The following NEK10 variants were observed in gnomAD, a reference collection of about 807,000 sequenced individuals.
NEK10 encodes the protein serine/threonine-protein kinase Nek10.
NEK10 carries 122 observed loss-of-function variants against 159.8 expected under a neutral mutation model. That is an observed-to-expected ratio of 0.76 (90% CI 0.66 to 0.89). NEK10 has a LOEUF of 0.89. Ranked by LOEUF, NEK10 falls within the 40% of genes least tolerant of loss-of-function variation. NEK10 has a pLI of 0.00. For missense variants in NEK10, 1,342 were observed against 1,323.1 expected (o/e 1.01, Z -0.22); for synonymous variants, 466 against 457.1 (o/e 1.02, Z -0.25).
intron 22 of NEK10, among the ~76,000 whole-genome samples, chr3:27,280,975 T>C (rs1209476566): frequency 6.6e-6 from 1 of 151,078 alleles, no homozygotes; most frequent in Admixed American, 6.6e-5. Flanking sequence ...CTTCAGAAGA[T>C]GCAGAAACAA....
chr3:27,309,062 CAACATT>C, intron 9 of NEK10, 57 bp from the exon 10 acceptor site: 2 of 781,534 alleles, frequency 2.6e-6, no homozygotes, highest in Non-Finnish European at 4.2e-6. Context: ...CTTCTTTTTT[CAACATT>C]AACATTAATT....
Position 27,352,484 on chromosome 3 carries a change from A to C in NEK10, c.113T>G (p.Val38Gly). The change falls in exon 3 of 36, where the codon GTC becomes GGC. Residue 38 changes from valine to glycine, a missense_variant. Physicochemically the swap from Val to Gly is moderately radical, Grantham distance 109. Coordinates refer to ENST00000691995, the MANE Select transcript of NEK10 (RefSeq NM_001394966.1). ...DLKRLRCLLN[V>G]QSSKQQLPAI... The stretch of plus-strand genomic sequence containing the variant: ...CGCTACCTGTTGTTTGCTTGATTGG[A>C]CGTTCAAAAGGCACCGAAGTCTTTT... The C allele has an allele frequency of 6.2e-7, 1 of 1,611,344 alleles. No homozygotes were observed. The highest frequency in any genetic ancestry group is 8.5e-7 in the Non-Finnish European group (1 of 1,177,640).
intron 23 of NEK10, among the ~76,000 whole-genome samples, chr3:27,224,826 A>C (rs1469623208): frequency 6.6e-6 from 1 of 152,182 alleles, no homozygotes; most frequent in Non-Finnish European, 1.5e-5. Context: ...GGCTCTTCTC[A>C]TAGGACCACC....
At chr3:27,187,225 C>A (rs982406877) in intron 26 of NEK10, among the ~76,000 whole-genome samples, 4 of 152,118 alleles carry the variant, frequency 2.6e-5, no homozygotes, top group Non-Finnish European at 4.4e-5. Flanking sequence ...AGCCCCTGCC[C>A]CTCTCTCATC....
At chr3:27,297,370 C>A in intron 13 of NEK10, 130 bp from the exon 14 acceptor site, 1 of 604,728 alleles carries the variant, frequency 1.7e-6, no homozygotes, top group Admixed American at 2.7e-5. Context: ...TCTCAAGAAA[C>A]ACTAATTTTC....
intron 22 of NEK10, among the ~76,000 whole-genome samples, chr3:27,265,045 C>T (rs1437158247): frequency 2.6e-5 from 4 of 152,160 alleles, no homozygotes; most frequent in African/African-American, 9.7e-5. Flanking sequence ...AATTCAACAT[C>T]TATTCCTTTC....
At chr3:27,136,665 T>TAA (rs1243979837) in intron 31 of NEK10, among the ~76,000 whole-genome samples, 1 of 152,210 alleles carries the variant, frequency 6.6e-6, no homozygotes. Context: ...TTGCTGGTCT[T>TAA]ACGATTACCA....
At chr3:27,213,905 A>C (rs1435054652) in intron 23 of NEK10, among the ~76,000 whole-genome samples, 1 of 152,216 alleles carries the variant, frequency 6.6e-6, no homozygotes. Flanking sequence ...TTCCCTTTCC[A>C]GGTCTTTTTC....
chr3:27,235,768 C>T (rs957230507), intron 23 of NEK10, among the ~76,000 whole-genome samples: 1 of 152,070 alleles, frequency 6.6e-6, no homozygotes, highest in African/African-American at 2.4e-5. Context: ...TGGGTATATA[C>T]CCAAAGGAAT....
chr3:27,174,828 G>C lies in NEK10; in HGVS notation c.2511C>G (p.Thr837=), dbSNP rs1426195232. Residue 837 remains threonine, a synonymous_variant, in exon 27 of 36, where the codon ACC becomes ACG. Transcript: ENST00000691995. The part of the protein sequence containing the change: ...HHELAVLSHE[T]FEKASLSSSS... ...TGCTACTCAAACTTGCCTTCTCAAA[G>C]GTCTCCTGGAAAGAGAAATTCAGTT... The C allele has an allele frequency of 6.3e-7, 1 of 1,584,408 alleles. No individual in the cohort carries two copies. Among genetic ancestry groups the C allele is most frequent in the African/African-American group, 1.4e-5 (1 of 72,962 alleles).
intron 23 of NEK10, among the ~76,000 whole-genome samples, chr3:27,207,395 T>C (rs1487518013): frequency 6.6e-6 from 1 of 152,110 alleles, no homozygotes; most frequent in African/African-American, 2.4e-5. Context: ...TCATTGACAA[T>C]ATAATGATAT....
intron 26 of NEK10, among the ~76,000 whole-genome samples, chr3:27,176,243 C>T (rs1379244387): frequency 6.6e-6 from 1 of 152,186 alleles, no homozygotes; most frequent in Non-Finnish European, 1.5e-5. Context: ...AAAGTTTCAC[C>T]AAGCTCCTTG....
chr3:27,276,595 G>A (rs982782409), intron 22 of NEK10, among the ~76,000 whole-genome samples: 3 of 152,170 alleles, frequency 2.0e-5, no homozygotes, highest in Non-Finnish European at 2.9e-5. Context: ...ATTTTAACCA[G>A]AAGAAGAGCA....
At chr3:27,111,539 G>C (rs1027258782) in intron 35 of NEK10, among the ~76,000 whole-genome samples, 8 of 152,290 alleles carry the variant, frequency 5.3e-5, no homozygotes, top group African/African-American at 1.9e-4. Flanking sequence ...AATAGGAACT[G>C]ATAACACTTT....
In NEK10 at chr3:27,185,761, C is replaced by T. The variant is rs182195195; in HGVS notation, c.2505+6268G>A. On this transcript the variant is annotated intron_variant, in intron 26 of 35. Coordinates refer to ENST00000691995, the MANE Select transcript of NEK10 (RefSeq NM_001394966.1). ...GATAAACAACAATTATACCACCCCA[C>T]CCCCAGTACACACATTCCTTAATGG... is the stretch of plus-strand genomic sequence containing the variant. Among the ~76,000 whole-genome samples, 483 of 152,292 alleles carry T rather than the reference C, an allele frequency of 3.2e-3. 1 individual carries two copies. Among genetic ancestry groups the T allele is most frequent in the Non-Finnish European group, 5.7e-3 (388 of 68,024 alleles).
intron 30 of NEK10, among the ~76,000 whole-genome samples, chr3:27,154,173 C>G (rs1234435092): frequency 6.6e-6 from 1 of 152,058 alleles, no homozygotes; most frequent in African/African-American, 2.4e-5. Flanking sequence ...CTATGAACAC[C>G]TTTAAGAATA....
rs1251834514 is a variant in NEK10 at position 27,304,758 on chromosome 3, A to G, written c.1017T>C (p.His339=). The G allele has an allele frequency of 6.2e-7, 1 of 1,611,586 alleles. No individual in the cohort carries two copies. The highest frequency in any genetic ancestry group is 8.5e-7 in the Non-Finnish European group (1 of 1,177,694). ...CCACTTTTACTCACCCTTGTAAAAT[A>G]TGAAGAAGCTGTTTGATGCCTCCCC... The part of the protein sequence containing the change: ...RIWGGIKQLL[H]ILQGDRNFVS... The change falls in exon 12 of 36, where the codon CAT becomes CAC. Residue 339 remains histidine, a synonymous_variant. Transcript: ENST00000691995.
intron 4 of NEK10, among the ~76,000 whole-genome samples, chr3:27,345,762 A>G (rs1189902878): frequency 6.6e-6 from 1 of 152,220 alleles, no homozygotes; most frequent in Non-Finnish European, 1.5e-5. Flanking sequence ...CCATCTCATT[A>G]CTGGCAAGAT....
chr3:27,106,552 G>C lies in NEK10; in HGVS notation c.*4720C>G, dbSNP rs569443828. 6.6e-6 allele frequency among the ~76,000 whole-genome samples: 1 copy of C among 152,168 alleles called. No homozygotes were observed. The highest frequency in any genetic ancestry group is 1.5e-5 in the Non-Finnish European group (1 of 68,032). The stretch of plus-strand genomic sequence containing the variant: ...GCTTTATATTCTATTTCAGAATCTT[G>C]ACTCAAATGGCACTTGAAATGCAGA... On this transcript the variant is annotated 3_prime_UTR_variant, in exon 36 of 36. Coordinates refer to ENST00000691995, the MANE Select transcript of NEK10 (RefSeq NM_001394966.1).
Sources: allele counts gnomAD v4.1 joint callset (sites outside exome capture counted in the v4.1 genomes callset), GRCh38; gene constraint gnomAD v4.1.1; transcripts MANE v1.5; gene names NCBI Gene and HGNC (gene_info 2026-07-23, HGNC 2026-07-21).